SYDE2: variants seen among roughly 807,000 people sequenced by gnomAD.
SYDE2 encodes the protein rho GTPase-activating protein SYDE2.
A neutral mutation model predicts 91.5 loss-of-function variants in SYDE2; 76 were observed. That is an observed-to-expected ratio of 0.83 (90% CI 0.69 to 1.01). The LOEUF (loss-of-function observed/expected upper bound fraction) is 1.01. Among genes scored for constraint, SYDE2 ranks in the 50% least tolerant of loss-of-function variants. The pLI, the probability that SYDE2 is intolerant of heterozygous loss-of-function variation, is 0.00. For missense variants in SYDE2, 1,364 were observed against 1,367.7 expected (o/e 1.00, Z 0.04); for synonymous variants, 513 against 506.4 (o/e 1.01, Z -0.18).
rs558257302 is a variant in SYDE2, at chr1:85,159,072, T to C, written c.3263A>G (p.Tyr1088Cys). 1.3e-5 allele frequency: 10 copies of C among 780,920 alleles called. No homozygotes were observed. In the African/African-American group the frequency reaches 1.3e-4, roughly 11 times the overall value. The allele number at this position is 780,920 out of a possible 1,614,324, so 48.4% of individuals were successfully genotyped here. A position where few individuals can be genotyped will look rare whatever the true frequency, so the allele number is the denominator to read the frequency against. Residue 1088 changes from tyrosine to cysteine, a missense_variant, in exon 7 of 7, where the codon TAT (tyrosine) becomes TGT (cysteine). Coordinates refer to ENST00000341460, the MANE Select transcript of SYDE2 (RefSeq NM_032184.2). Reference protein sequence around the residue: ...NRLDSPLSNRYAGDWSSCGEN... With the variant: ...NRLDSPLSNRCAGDWSSCGEN... ...CCCACAGCTGCTCCAGTCTCCTGCA[T>C]AACGATTGCTAAGTGGACTGTCTAA...
chr1:85,168,698 T>C (rs1034923076), intron 5 of SYDE2, among the ~76,000 whole-genome samples: 2 of 152,222 alleles, frequency 1.3e-5, no homozygotes, highest in Non-Finnish European at 2.9e-5. Flanking sequence ...TAGCTGCCTC[T>C]GGATATTGAT....
At chr1:85,197,695 C>T (rs945517593) in intron 1 of SYDE2, among the ~76,000 whole-genome samples, 2 of 152,050 alleles carry the variant, frequency 1.3e-5, no homozygotes, top group African/African-American at 4.8e-5. Flanking sequence ...CACTCTGTCT[C>T]CCAGGCTAGA....
At chr1:85,156,392 AAAAAG>A (rs1264449762), downstream of SYDE2, among the ~76,000 whole-genome samples, 35 of 151,998 alleles carry the variant, frequency 2.3e-4, no homozygotes, top group African/African-American at 7.5e-4. Context: ...ATTAAAAAAA[AAAAAG>A]AAAAGAAAAA....
chr1:85,160,713 G>A, intron 6 of SYDE2: 2 of 985,282 alleles, frequency 2.0e-6, no homozygotes, highest in Non-Finnish European at 2.4e-6. Context: ...TGTCATGCCT[G>A]TTGTTTTCAC....
At chr1:85,164,822 G>T in intron 5 of SYDE2, 65 bp from the exon 6 acceptor site, 1 of 942,574 alleles carries the variant, frequency 1.1e-6, no homozygotes. Flanking sequence ...ACAATTTATA[G>T]CAGGAAATAC....
chr1:85,194,536 G>A (rs1658505824), intron 1 of SYDE2, among the ~76,000 whole-genome samples: 1 of 149,054 alleles, frequency 6.7e-6, no homozygotes, highest in Non-Finnish European at 1.5e-5. Flanking sequence ...TTGAAAGAAG[G>A]TCCAACTAAA....
At position 85,157,467 on chromosome 1, in the gene SYDE2, G is replaced by A. The variant is rs1656907924; in HGVS notation, c.*1283C>T. The A allele has an allele frequency of 6.6e-6, 1 of 152,064 alleles. No individual in the cohort carries two copies. Among genetic ancestry groups the A allele is most frequent in the Non-Finnish European group, 1.5e-5 (1 of 67,964 alleles). 9.4% of individuals were successfully genotyped at this position (152,064 alleles called of 1,614,324 possible). A position where few individuals can be genotyped will look rare whatever the true frequency, so the allele number is the denominator to read the frequency against. ...TAATTATAAAGTCAATGTTATAAATGTACTACTACAAATAAATAATTAAAA... is the reference window on the plus strand; with the variant it reads ...TAATTATAAAGTCAATGTTATAAATATACTACTACAAATAAATAATTAAAA... On this transcript the variant is annotated 3_prime_UTR_variant, in exon 7 of 7. Coordinates refer to ENST00000341460, the MANE Select transcript of SYDE2 (RefSeq NM_032184.2).
In SYDE2 at chr1:85,182,326, C is replaced by T; in HGVS notation, c.2316G>A (p.Val772=). ...TGACAGCCAACTGATGAGTCTTTGT[C>T]ACTCTAAATAAGGTGGGAAGAACAA... ...GTVVLPTLFR[V]TKTHQLAVKL... is the part of the protein sequence containing the mutation. Residue 772 remains valine (V), a synonymous_variant, in exon 3 of 7, where the codon GTG becomes GTA. Coordinates refer to ENST00000341460, the MANE Select transcript of SYDE2 (RefSeq NM_032184.2). 2 of 1,613,836 alleles carry T rather than the reference C, an allele frequency of 1.2e-6. No individual in the cohort carries two copies. The highest frequency in any genetic ancestry group is 1.7e-6 in the Non-Finnish European group (2 of 1,179,820).
intron 6 of SYDE2, among the ~76,000 whole-genome samples, chr1:85,161,725 CAAAAA>C (rs60732181): frequency 1.2e-5 from 1 of 83,380 alleles, no homozygotes. Flanking sequence ...GACTCCATCT[CAAAAA>C]AAAAAAAAAA....
intron 4 of SYDE2, among the ~76,000 whole-genome samples, chr1:85,177,094 C>T (rs1043416578): frequency 6.6e-6 from 1 of 152,064 alleles, no homozygotes; most frequent in African/African-American, 2.4e-5. Flanking sequence ...AACATTCTGA[C>T]TCCTTTCCTC....
downstream of SYDE2, chr1:85,154,342 CCAGA>C (rs1220451708): frequency 1.4e-5 from 2 of 145,154 alleles, no homozygotes; most frequent in Admixed American, 7.0e-5. Context: ...CTAAAATTTT[CCAGA>C]CAGTTATTTA....
At chr1:85,170,705 C>T (rs1403935782) in intron 4 of SYDE2, among the ~76,000 whole-genome samples, 1 of 152,142 alleles carries the variant, frequency 6.6e-6, no homozygotes, top group South Asian at 2.1e-4. Context: ...CTTGCTTTTT[C>T]ATTTAACATC....
rs1223135066 is a variant in SYDE2 at position 85,158,735 on chromosome 1, A to G, written c.*15T>C. On this transcript the variant is annotated 3_prime_UTR_variant, in exon 7 of 7. Coordinates refer to ENST00000341460, the MANE Select transcript of SYDE2 (RefSeq NM_032184.2). ...ATTTGAAACTTTAAGACATTACAAA[A>G]AAAAACCCTCAATCTCAAAAACTCA... 1 of 711,534 alleles carries G rather than the reference A, an allele frequency of 1.4e-6. No individual in the cohort carries two copies. The highest frequency in any genetic ancestry group is 2.6e-6 in the Non-Finnish European group (1 of 391,672). 44.1% of individuals were successfully genotyped at this position (711,534 alleles called of 1,614,324 possible).
intron 6 of SYDE2, chr1:85,160,810 T>C: frequency 1.0e-6 from 1 of 985,420 alleles, no homozygotes; most frequent in Non-Finnish European, 1.2e-6. Flanking sequence ...AATTGTCCTA[T>C]TGTGCCTGCA....
intron 6 of SYDE2, chr1:85,160,442 T>A: frequency 1.1e-6 from 1 of 909,336 alleles, no homozygotes; most frequent in Non-Finnish European, 1.3e-6. Context: ...ATGGTTATTA[T>A]GTATCACTAT....
chr1:85,155,330 T>G (rs1413767684), downstream of SYDE2, among the ~76,000 whole-genome samples: 2 of 152,132 alleles, frequency 1.3e-5, no homozygotes, highest in Non-Finnish European at 2.9e-5. Flanking sequence ...AAAGCAAGTG[T>G]TTTTCTTCTG....
chr1:85,178,417 T>A, intron 3 of SYDE2, 145 bp from the exon 4 acceptor site: 2 of 695,516 alleles, frequency 2.9e-6, no homozygotes, highest in Non-Finnish European at 4.7e-6. Flanking sequence ...GAAGTCTCAT[T>A]ATATACTATG....
chr1:85,191,774 AATT>A (rs1658379014), intron 1 of SYDE2, among the ~76,000 whole-genome samples: 1 of 151,744 alleles, frequency 6.6e-6, no homozygotes, highest in African/African-American at 2.4e-5. Context: ...AAAAAAAAAA[AATT>A]AATAGTCCAA....
intron 4 of SYDE2, among the ~76,000 whole-genome samples, chr1:85,171,239 C>A (rs149443661): frequency 6.6e-6 from 1 of 152,186 alleles, no homozygotes; most frequent in East Asian, 1.9e-4. Context: ...ATAACTGGAT[C>A]TTGGGAATGA....
Sources: allele counts gnomAD v4.1 joint callset (sites outside exome capture counted in the v4.1 genomes callset), GRCh38; gene constraint gnomAD v4.1.1; transcripts MANE v1.5; gene names NCBI Gene and HGNC (gene_info 2026-07-23, HGNC 2026-07-21).